GADD45G: variants seen among roughly 807,000 people sequenced by gnomAD.
GADD45G encodes the protein growth arrest and DNA damage inducible gamma.
A neutral mutation model predicts 17.3 loss-of-function variants in GADD45G; 7 were observed. The ratio of observed to expected loss-of-function variants is 0.41; its 90% confidence interval spans 0.23 to 0.76. The LOEUF (loss-of-function observed/expected upper bound fraction) is 0.76. Ranked by LOEUF, GADD45G falls within the 30% of genes least tolerant of loss-of-function variation. The probability of loss-of-function intolerance (pLI) is 0.34; values close to 1 mark genes in which losing one functional copy is unlikely to be tolerated. For missense variants in GADD45G, 149 were observed against 219.2 expected, an observed-to-expected ratio of 0.68 and a Z score of 2.02; for synonymous variants, 93 against 94.9, an observed-to-expected ratio of 0.98 and a Z score of 0.12.
Position 89,606,051 on chromosome 9 carries a change from G to A in GADD45G, c.452G>A (p.Trp151Ter). 6.2e-7 allele frequency: 1 copy of A among 1,612,702 alleles called. No individual in the cohort carries two copies. The highest frequency in any genetic ancestry group is 2.2e-5 in the East Asian group (1 of 44,838). Residue 151 changes from tryptophan (W) to a stop codon, truncating the protein, a stop_gained, in exon 4 of 4, where the codon TGG becomes TAG. Coordinates refer to ENST00000252506, the MANE Select transcript of GADD45G (RefSeq NM_006705.4). LOFTEE classifies it high-confidence loss of function. ...GAGGAGAGCCGCAGCGTTAACGACT[G>A]GGTGCCCAGCATCACCCTCCCCGAG... ...FCEESRSVND[W>*]VPSITLPE
In GADD45G at chr9:89,605,853, G is replaced by C; in HGVS notation, c.342G>C (p.Pro114=). 1 of 1,611,950 alleles carries C rather than the reference G, an allele frequency of 6.2e-7. No individual in the cohort carries two copies. ...IVGAGEEAGA[P]GDLHCILISN... ...GCGCCGGCGAGGAGGCGGGTGCGCC[G>C]GGCGACCTGCACTGCATCCTCATTT... Residue 114 remains proline, a synonymous_variant, in exon 3 of 4, where the codon CCG becomes CCC. Coordinates refer to ENST00000252506, the MANE Select transcript of GADD45G (RefSeq NM_006705.4).
rs144775138 is a variant in GADD45G at position 89,606,042 on chromosome 9, T to G, written c.443T>G (p.Val148Gly). 7 of 1,613,280 alleles carry G rather than the reference T, an allele frequency of 4.3e-6. No homozygotes were observed. In the African/African-American group the frequency reaches 9.3e-5, roughly 22 times the overall value. Residue 148 changes from valine (V) to glycine (G), a missense_variant, in exon 4 of 4, where the codon GTT (valine) becomes GGT (glycine). By Grantham distance (109) the Val-to-Gly change is moderately radical (BLOSUM62 -3). Around this residue, in one of 3 missense-constraint regions of GADD45G, gnomAD observed 73 missense variants for 84.3 expected, o/e 0.87. Transcript: ENST00000252506. ...CTGTTTTGCGAGGAGAGCCGCAGCG[T>G]TAACGACTGGGTGCCCAGCATCACC... ...LSLFCEESRS[V>G]NDWVPSITLP...
rs746237447 is a variant in GADD45G at position 89,606,130 on chromosome 9, C to T, written c.*51C>T. 3.5e-6 allele frequency: 5 copies of T among 1,409,040 alleles called. No individual in the cohort carries two copies. In the South Asian group the frequency reaches 4.9e-5, roughly 14 times the overall value. The allele number at this position is 1,409,040 out of a possible 1,614,324, so 87.3% of individuals were successfully genotyped here. A position where few individuals can be genotyped will look rare whatever the true frequency, so the allele number is the denominator to read the frequency against. ...TCGACGTGGTGACGCCCCGGGGCGC[C>T]TAGAGCGCGGCTGGCTCTGTGGAGG... is the stretch of plus-strand genomic sequence containing the variant. On this transcript the variant is annotated 3_prime_UTR_variant, in exon 4 of 4. Coordinates refer to ENST00000252506, the MANE Select transcript of GADD45G (RefSeq NM_006705.4).
In GADD45G at chr9:89,606,475, A is replaced by C; in HGVS notation, c.*396A>C. On this transcript the variant is annotated 3_prime_UTR_variant, in exon 4 of 4. Transcript: ENST00000252506. ...TTAGCCGACTGCGCTGCTTTTTCAAAACGGATCCGGGCAATGCTTCGTTTT... is the reference window on the plus strand; with the variant it reads ...TTAGCCGACTGCGCTGCTTTTTCAACACGGATCCGGGCAATGCTTCGTTTT... The C allele has an allele frequency of 4.3e-6, 1 of 234,228 alleles. No homozygotes were observed. 14.5% of individuals were successfully genotyped at this position (234,228 alleles called of 1,614,324 possible). A position where few individuals can be genotyped will look rare whatever the true frequency, so the allele number is the denominator to read the frequency against.
At chr9:89,605,276 C>A in intron 1 of GADD45G, 102 bp downstream of exon 1, 2 of 1,191,072 alleles carry the variant, frequency 1.7e-6, no homozygotes, top group South Asian at 1.3e-5. Flanking sequence ...GGGGTCCGGG[C>A]GCCAGATCCC....
In GADD45G at chr9:89,605,705, G is replaced by A. The variant is rs763211787; in HGVS notation, c.194G>A (p.Gly65Asp). The A allele has an allele frequency of 6.2e-7, 1 of 1,614,100 alleles. No individual in the cohort carries two copies. The highest frequency in any genetic ancestry group is 1.1e-5 in the South Asian group (1 of 91,090). ...DNVTFCVLAA[G>D]EEDEGDIALQ... ...GTGACCTTCTGTGTGCTGGCTGCGG[G>A]TGAGGAGGACGAGGGCGACATCGCG... is the stretch of plus-strand genomic sequence containing the variant. The change falls in exon 3 of 4, where the codon GGT (glycine) becomes GAT (aspartate). Residue 65 changes from glycine to aspartate, a missense_variant. By Grantham distance (94) the Gly-to-Asp change is moderately conservative. Transcript: ENST00000252506.
Position 89,605,552 on chromosome 9 carries a change from C to T in GADD45G, c.155+19C>T. 3 of 1,561,590 alleles carry T rather than the reference C, an allele frequency of 1.9e-6. No individual in the cohort carries two copies. The highest frequency in any genetic ancestry group is 2.6e-6 in the Non-Finnish European group (3 of 1,148,622). On this transcript the variant is annotated intron_variant, in intron 2 of 3. Coordinates refer to ENST00000252506, the MANE Select transcript of GADD45G (RefSeq NM_006705.4). ...TGAACGTGTAAGTGTAGACGCGGCC[C>T]AGGCTGGGAGACAGGGGCGGGGGTG... is the stretch of plus-strand genomic sequence containing the variant.
rs995605217 is a variant in GADD45G at position 89,606,489 on chromosome 9, A to G, written c.*410A>G. The G allele has an allele frequency of 1.4e-5, 3 of 215,732 alleles. No individual in the cohort carries two copies. Among genetic ancestry groups the G allele is most frequent in the African/African-American group, 7.0e-5 (3 of 42,900 alleles). The allele number at this position is 215,732 out of a possible 1,614,324, so 13.4% of individuals were successfully genotyped here. A position where few individuals can be genotyped will look rare whatever the true frequency, so the allele number is the denominator to read the frequency against. ...TGCTTTTTCAAAACGGATCCGGGCA[A>G]TGCTTCGTTTTCTAAAGGATGCTGC... is the stretch of plus-strand genomic sequence containing the variant. On this transcript the variant is annotated 3_prime_UTR_variant, in exon 4 of 4. Transcript: ENST00000252506.
In GADD45G at chr9:89,605,194, G is replaced by A. The variant is rs1827500328; in HGVS notation, c.53+20G>A. 1 of 1,610,352 alleles carries A rather than the reference G, an allele frequency of 6.2e-7. No individual in the cohort carries two copies. Among genetic ancestry groups the A allele is most frequent in the African/African-American group, 1.3e-5 (1 of 74,978 alleles). On this transcript the variant is annotated intron_variant, in intron 1 of 3. Transcript: ENST00000252506. ...AGCCAGGTGGGTTTCAGGGCGCTGA[G>A]AAAGCCGCTGGTCGGTCGGCGACCG... is the stretch of plus-strand genomic sequence containing the variant.
intron 3 of GADD45G, 25 bp from the exon 4 acceptor site, chr9:89,605,944 G>T (rs1272954524): frequency 1.9e-6 from 3 of 1,597,900 alleles, no homozygotes; most frequent in Non-Finnish European, 2.6e-6. Context: ...CGGCCAGCCA[G>T]GCTGACCCTG....
chr9:89,605,288 G>A (rs974575911), intron 1 of GADD45G, 114 bp downstream of exon 1: 33 of 1,155,304 alleles, frequency 2.9e-5, no homozygotes, highest in Non-Finnish European at 4.2e-5. Flanking sequence ...CCAGATCCCG[G>A]TTGGAGAGCC....
In GADD45G at chr9:89,605,906, G is replaced by T. The variant is rs746669814; in HGVS notation, c.369+26G>T. Reference sequence around the variant, plus strand: ...GTGAGTACAGTCCCGTCCTGTCCCCGCCCCAGTGTCGTTCCCGCCTCGGCC... The same window carrying T: ...GTGAGTACAGTCCCGTCCTGTCCCCTCCCCAGTGTCGTTCCCGCCTCGGCC... On this transcript the variant is annotated intron_variant, in intron 3 of 3. Coordinates refer to ENST00000252506, the MANE Select transcript of GADD45G (RefSeq NM_006705.4). The T allele has an allele frequency of 8.8e-6, 14 of 1,588,210 alleles. No individual in the cohort carries two copies. In the East Asian group the frequency reaches 3.2e-4, roughly 36 times the overall value.
chr9:89,605,413 T>A lies in GADD45G; in HGVS notation c.54-19T>A, dbSNP rs754245950. 14 of 1,536,784 alleles carry A rather than the reference T, an allele frequency of 9.1e-6. No individual in the cohort carries two copies. In the Admixed American group the frequency reaches 2.4e-4, roughly 26 times the overall value. Reference sequence around the variant, plus strand: ...CGCCCTCCGGCCGGCTCCCGCTCACTGCGCTGGCTCCTCCGCAGGATGCAG... The same window carrying A: ...CGCCCTCCGGCCGGCTCCCGCTCACAGCGCTGGCTCCTCCGCAGGATGCAG... On this transcript the variant is annotated intron_variant, in intron 1 of 3. Transcript: ENST00000252506.
Position 89,605,718 on chromosome 9 carries a change from G to A in GADD45G, c.207G>A (p.Glu69=), listed in dbSNP as rs144997883. 4.3e-6 allele frequency: 7 copies of A among 1,613,980 alleles called. No homozygotes were observed. In the African/African-American group the frequency reaches 6.7e-5, roughly 15 times the overall value. The stretch of plus-strand genomic sequence containing the variant: ...TGCTGGCTGCGGGTGAGGAGGACGA[G>A]GGCGACATCGCGCTGCAGATCCATT... ...FCVLAAGEED[E]GDIALQIHFT... is the part of the protein sequence containing the mutation. Residue 69 remains glutamate (E), a synonymous_variant, in exon 3 of 4, where the codon GAG becomes GAA. Transcript: ENST00000252506.
rs1013187095 is a variant in GADD45G at position 89,606,445 on chromosome 9, A to G, written c.*366A>G. ...ACTTGGTACAGTTGCAGGAGCGTGA[A>G]GGACTTAGCCGACTGCGCTGCTTTT... On this transcript the variant is annotated 3_prime_UTR_variant, in exon 4 of 4. Coordinates refer to ENST00000252506, the MANE Select transcript of GADD45G (RefSeq NM_006705.4). 1.3e-5 allele frequency: 4 copies of G among 299,822 alleles called. No homozygotes were observed. Among genetic ancestry groups the G allele is most frequent in the African/African-American group, 6.6e-5 (3 of 45,220 alleles). 18.6% of individuals were successfully genotyped at this position (299,822 alleles called of 1,614,324 possible).
rs1037330950 is a variant in GADD45G at position 89,605,702 on chromosome 9, C to A, written c.191C>A (p.Ala64Glu). The A allele has an allele frequency of 6.2e-7, 1 of 1,614,026 alleles. No individual in the cohort carries two copies. The highest frequency in any genetic ancestry group is 8.5e-7 in the Non-Finnish European group (1 of 1,179,982). The stretch of plus-strand genomic sequence containing the variant: ...AATGTGACCTTCTGTGTGCTGGCTG[C>A]GGGTGAGGAGGACGAGGGCGACATC... ...PDNVTFCVLA[A>E]GEEDEGDIAL... The change falls in exon 3 of 4, where the codon GCG becomes GAG. Residue 64 changes from alanine (A) to glutamate (E), a missense_variant. Physicochemically the swap from Ala to Glu is moderately radical, Grantham distance 107 (BLOSUM62 -1). Transcript: ENST00000252506.
At position 89,605,963 on chromosome 9, in the gene GADD45G, C is replaced by T; in HGVS notation, c.370-6C>T. Reference sequence around the variant, plus strand: ...CAGCCAGGCTGACCCTGCTCTCTCTCCGCAGAACCCCAACGAGGACGCCTG... The same window carrying T: ...CAGCCAGGCTGACCCTGCTCTCTCTTCGCAGAACCCCAACGAGGACGCCTG... On this transcript the variant is annotated splice_region_variant and splice_polypyrimidine_tract_variant and intron_variant, in intron 3 of 3. Transcript: ENST00000252506. 1.2e-6 allele frequency: 2 copies of T among 1,609,176 alleles called. No individual in the cohort carries two copies. Among genetic ancestry groups the T allele is most frequent in the Non-Finnish European group, 1.7e-6 (2 of 1,177,566 alleles).
In GADD45G at chr9:89,606,224, G is replaced by A. The variant is rs1323059554; in HGVS notation, c.*145G>A. On this transcript the variant is annotated 3_prime_UTR_variant, in exon 4 of 4. Transcript: ENST00000252506. The stretch of plus-strand genomic sequence containing the variant: ...GGGGGGGGCGCCTGGAGAGCGAGGA[G>A]GCGCGGCCTCCCGAGGAGGGGCCCG... 1.5e-6 allele frequency: 1 copy of A among 667,950 alleles called. No individual in the cohort carries two copies. 41.4% of individuals were successfully genotyped at this position (667,950 alleles called of 1,614,324 possible). A position where few individuals can be genotyped will look rare whatever the true frequency, so the allele number is the denominator to read the frequency against.
At chr9:89,605,921 C>A in intron 3 of GADD45G, 41 bp downstream of exon 3, 5 of 1,586,818 alleles carry the variant, frequency 3.2e-6, no homozygotes, top group Non-Finnish European at 4.3e-6. Context: ...AGTGTCGTTC[C>A]CGCCTCGGCC....
Sources: gnomAD v4.1 joint callset for allele counts on GRCh38, gnomAD v4.1.1 for gene constraint, gnomAD v4.1.1 regional missense constraint, MANE v1.5 for transcripts, NCBI Gene and HGNC (gene_info 2026-07-23, HGNC 2026-07-21) for gene names.